Variants in LIPA observed in about 807,000 individuals in gnomAD.
LIPA encodes lipase A, lysosomal acid type.
A neutral mutation model predicts 40.6 loss-of-function variants in LIPA; 26 were observed. The observed-to-expected ratio is 0.64, with a 90% confidence interval of 0.47 to 0.89. The LOEUF is 0.89. Among genes scored for constraint, LIPA ranks in the 40% least tolerant of loss-of-function variants. The pLI, the probability that LIPA is intolerant of heterozygous loss-of-function variation, is 0.00. For missense variants in LIPA, 455 were observed against 479.6 expected, an observed-to-expected ratio of 0.95 and a Z score of 0.48; for synonymous variants, 188 against 168.4, an observed-to-expected ratio of 1.12 and a Z score of -0.90.
chr10:89,254,410 T>C (rs1029187393), upstream of LIPA, among the ~76,000 whole-genome samples: 14 of 152,328 alleles, frequency 9.2e-5, no homozygotes, highest in Admixed American at 9.1e-4. Flanking sequence ...TAACCCCTTT[T>C]TGCCATGGCT....
upstream of LIPA, among the ~76,000 whole-genome samples, chr10:89,253,184 C>A (rs1374405525): frequency 6.6e-6 from 1 of 152,176 alleles, no homozygotes; most frequent in Non-Finnish European, 1.5e-5. Flanking sequence ...AAAGATCATT[C>A]TGAACTACAG....
At chr10:89,247,692 T>C in intron 1 of LIPA, 43 bp from the exon 2 acceptor site, 1 of 1,361,280 alleles carries the variant, frequency 7.3e-7, no homozygotes, top group Non-Finnish European at 1.0e-6. Flanking sequence ...TGAATTTTAC[T>C]ACACAAAAAT....
chr10:89,288,662 C>T (rs954870417), intron 1 of LIPA, among the ~76,000 whole-genome samples: 20 of 152,044 alleles, frequency 1.3e-4, no homozygotes, highest in Admixed American at 1.3e-3. Flanking sequence ...GATGGCAGTT[C>T]CACCAGGCCT....
chr10:89,306,766 T>TAAA (rs1406902781), intron 1 of LIPA: 1 of 1,614,116 alleles, frequency 6.2e-7, no homozygotes, highest in Non-Finnish European at 8.5e-7. Flanking sequence ...TTGAACTGCT[T>TAAA]AAAAAGGCTT....
Position 89,228,240 on chromosome 10 carries a change from T to C in LIPA, c.388A>G (p.Lys130Glu). 6.2e-7 allele frequency: 1 copy of C among 1,614,178 alleles called. No homozygotes were observed. Among genetic ancestry groups the C allele is most frequent in the African/African-American group, 1.3e-5 (1 of 75,038 alleles). The change falls in exon 4 of 10, where the codon AAG becomes GAG. Residue 130 changes from lysine (K) to glutamate (E), a missense_variant. Transcript: ENST00000336233. ...SRGNTWSRKH[K>E]TLSVSQDEFW... ...TCATCCTGAGAAACTGAGAGTGTCT[T>C]ATGTTTCCGAGACCAGGTATTTCCT...
chr10:89,361,875 CTTTTTTTTTTTTTTTTTT>C (rs59818683), intron 2 of LIPA, among the ~76,000 whole-genome samples: 8 of 40,410 alleles, frequency 2.0e-4, no homozygotes, highest in Middle Eastern at 0.011. Flanking sequence ...CTCCACCTGC[CTTTTTTTTTTTTTTTTTT>C]TTTTTTTTTT....
intron 3 of LIPA, among the ~76,000 whole-genome samples, chr10:89,233,597 T>C (rs1342934101): frequency 6.6e-6 from 1 of 152,238 alleles, no homozygotes; most frequent in Admixed American, 6.5e-5. Context: ...TTGTGGTTTT[T>C]GCCCTTAAAA....
intron 2 of LIPA, among the ~76,000 whole-genome samples, chr10:89,410,502 A>C (rs1841460480): frequency 6.6e-6 from 1 of 152,238 alleles, no homozygotes; most frequent in Admixed American, 6.5e-5. Context: ...GGAGAATGGG[A>C]TACAAAGGAC....
intron 2 of LIPA, among the ~76,000 whole-genome samples, chr10:89,354,238 T>A (rs889359063): frequency 6.6e-6 from 1 of 152,226 alleles, no homozygotes; most frequent in African/African-American, 2.4e-5. Context: ...TTGTCTCTTA[T>A]CCGCCTATCA....
At chr10:89,265,011 AAAGTCTGGAGGAGGC>A (rs1843227944) in intron 1 of LIPA, among the ~76,000 whole-genome samples, 2 of 152,136 alleles carry the variant, frequency 1.3e-5, no homozygotes, top group Admixed American at 1.3e-4. Context: ...ATTGGCCCCC[AAAGTCTGGAGGAGGC>A]CCAGGCAGCA....
At chr10:89,339,564 T>C (rs1168206720) in intron 1 of LIPA, 1 of 1,614,098 alleles carries the variant, frequency 6.2e-7, no homozygotes, top group Non-Finnish European at 8.5e-7. Flanking sequence ...CTAGTGGAAA[T>C]AAAGAGATGA....
intron 7 of LIPA, 100 bp downstream of exon 7, chr10:89,223,584 G>A: frequency 9.9e-7 from 1 of 1,013,600 alleles, no homozygotes; most frequent in East Asian, 2.4e-5. Flanking sequence ...ACTCTTTAGA[G>A]TTCTGATGAG....
intron 2 of LIPA, chr10:89,403,627 G>A: frequency 1.2e-6 from 2 of 1,614,082 alleles, no homozygotes; most frequent in Non-Finnish European, 1.7e-6. Flanking sequence ...AAATTGGAAG[G>A]AAATATGAAT....
At chr10:89,383,217 G>A (rs1176200695) in intron 2 of LIPA, 3 of 1,022,606 alleles carry the variant, frequency 2.9e-6, no homozygotes. Context: ...TGGAGGCAGG[G>A]AAATTAGGAT....
At chr10:89,408,967 A>G (rs969131532) in intron 2 of LIPA, among the ~76,000 whole-genome samples, 2 of 152,212 alleles carry the variant, frequency 1.3e-5, no homozygotes, top group African/African-American at 4.8e-5. Flanking sequence ...CCTGTGTTCT[A>G]GAAGGACTAA....
chr10:89,316,928 G>T (rs140983179), intron 1 of LIPA, among the ~76,000 whole-genome samples: 451 of 152,316 alleles, frequency 3.0e-3, no homozygotes, highest in African/African-American at 9.8e-3. Flanking sequence ...AGCCTCCACT[G>T]GTGATACCCA....
At chr10:89,277,644 A>G (rs143790368) in intron 1 of LIPA, among the ~76,000 whole-genome samples, 32 of 152,370 alleles carry the variant, frequency 2.1e-4, no homozygotes, top group African/African-American at 7.5e-4. Flanking sequence ...CAGAGAATAC[A>G]GAAAACAACC....
At chr10:89,270,815 A>C (rs1181895339) in intron 1 of LIPA, among the ~76,000 whole-genome samples, 3 of 152,244 alleles carry the variant, frequency 2.0e-5, no homozygotes, top group African/African-American at 7.2e-5. Flanking sequence ...TGGCACCTTT[A>C]GCAGGTAAAT....
Position 89,399,364 on chromosome 10 carries a change from T to C in LIPA, c.61+13427A>G, listed in dbSNP as rs1184959075. On this transcript the variant is annotated intron_variant, in intron 2 of 8. Coordinates refer to the LIPA transcript ENST00000371837. ...GATAGTATCCTTCCATGCATAAAAGTTTTTAATTTTGGTGGAGTCCAGCTT... is the reference window on the plus strand; with the variant it reads ...GATAGTATCCTTCCATGCATAAAAGCTTTTAATTTTGGTGGAGTCCAGCTT... Among the ~76,000 whole-genome samples, 3 of 152,336 alleles carry C rather than the reference T, an allele frequency of 2.0e-5. 1 individual carries two copies. The highest frequency in any genetic ancestry group is 7.2e-5 in the African/African-American group (3 of 41,578).
Sources: allele counts gnomAD v4.1 joint callset (sites outside exome capture counted in the v4.1 genomes callset), GRCh38; gene constraint gnomAD v4.1.1; transcripts MANE v1.5; gene names NCBI Gene and HGNC (gene_info 2026-07-23, HGNC 2026-07-21).